Variants in TNFSF4 observed in about 807,000 individuals in gnomAD.
TNFSF4 encodes the protein tumor necrosis factor ligand superfamily member 4.
TNFSF4 carries 4 observed loss-of-function variants against 7.3 expected under a neutral mutation model. That is an observed-to-expected ratio of 0.55 (90% CI 0.27 to 1.25). TNFSF4 has a LOEUF of 1.25. Among genes scored for constraint, TNFSF4 ranks in the 50% most tolerant of loss-of-function variants. The pLI is 0.12. For synonymous variants in TNFSF4, 76 were observed against 83.7 expected, an observed-to-expected ratio of 0.91 and a Z score of 0.50; for missense variants, 181 against 208.8, an observed-to-expected ratio of 0.87 and a Z score of 0.82.
the TNFSF4 span, among the ~76,000 whole-genome samples, chr1:173,311,326 A>T: frequency 6.6e-6 from 1 of 152,122 alleles, no homozygotes; most frequent in Non-Finnish European, 1.5e-5. Context: ...TAACTATAAC[A>T]GAAGATTGAA....
At chr1:173,276,793 G>C in the TNFSF4 span, among the ~76,000 whole-genome samples, 3 of 152,186 alleles carry the variant, frequency 2.0e-5, no homozygotes, top group Non-Finnish European at 4.4e-5. Context: ...GGGAGAACTT[G>C]CCTGTGTCTG....
chr1:173,449,673 T>A, the TNFSF4 span, among the ~76,000 whole-genome samples: 1 of 152,150 alleles, frequency 6.6e-6, no homozygotes, highest in African/African-American at 2.4e-5. Context: ...AAGCACGGAC[T>A]AATACACCAA....
At position 173,186,781 on chromosome 1, in the gene TNFSF4, T is replaced by C. The variant is rs1649245160; in HGVS notation, c.287A>G (p.Asn96Ser). The C allele has an allele frequency of 3.7e-6, 6 of 1,614,100 alleles. No homozygotes were observed. The South Asian group carries it at 4.4e-5, about 12-fold the overall frequency. Residue 96 changes from asparagine to serine, a missense_variant, in exon 3 of 3, where the codon AAC becomes AGC. Transcript: ENST00000281834. The part of the protein sequence containing the change: ...MKVQNNSVII[N>S]CDGFYLISLK... ...GGAGATGAGATAAAACCCATCACAG[T>C]TGATGATGACTGAGTTGTTCTGCAC...
At chr1:173,181,903 T>C (rs1242998235), downstream of TNFSF4, among the ~76,000 whole-genome samples, 1 of 152,094 alleles carries the variant, frequency 6.6e-6, no homozygotes, top group East Asian at 1.9e-4. Context: ...TAAGGAAGGC[T>C]CCAAACCATC....
At chr1:173,311,918 T>G in the TNFSF4 span, among the ~76,000 whole-genome samples, 1 of 152,174 alleles carries the variant, frequency 6.6e-6, no homozygotes, top group African/African-American at 2.4e-5. Context: ...TGGTGGTTAC[T>G]TTAGAAATTA....
At chr1:173,414,489 T>G in the TNFSF4 span, among the ~76,000 whole-genome samples, 1 of 152,186 alleles carries the variant, frequency 6.6e-6, no homozygotes, top group Admixed American at 6.5e-5. Context: ...TAACAAGTAT[T>G]GTCTCAATAT....
At chr1:173,371,311 G>T in the TNFSF4 span, among the ~76,000 whole-genome samples, 6 of 152,198 alleles carry the variant, frequency 3.9e-5, no homozygotes, top group Non-Finnish European at 7.3e-5. Flanking sequence ...TGCCTTTCTT[G>T]TTATGCCTGT....
the TNFSF4 span, among the ~76,000 whole-genome samples, chr1:173,341,291 G>T: frequency 2.0e-5 from 3 of 152,330 alleles, no homozygotes; most frequent in Admixed American, 2.0e-4. Context: ...AGAGCCCACA[G>T]CAGTGTAGAA....
the TNFSF4 span, among the ~76,000 whole-genome samples, chr1:173,289,088 G>C: frequency 6.6e-6 from 1 of 152,210 alleles, no homozygotes; most frequent in African/African-American, 2.4e-5. Context: ...TCTGTGAGTT[G>C]AGGGGAACAG....
chr1:173,374,009 C>G, the TNFSF4 span, among the ~76,000 whole-genome samples: 1 of 152,104 alleles, frequency 6.6e-6, no homozygotes, highest in Admixed American at 6.6e-5. Context: ...CAGAGAAGGT[C>G]GAGAAGGCAA....
At chr1:173,431,189 T>C in the TNFSF4 span, among the ~76,000 whole-genome samples, 10 of 152,250 alleles carry the variant, frequency 6.6e-5, no homozygotes, top group Admixed American at 2.6e-4. Flanking sequence ...TTGGTTTTCT[T>C]TGGAGAATGT....
At chr1:173,235,231 C>G in the TNFSF4 span, among the ~76,000 whole-genome samples, 2 of 152,198 alleles carry the variant, frequency 1.3e-5, no homozygotes, top group East Asian at 3.9e-4. Context: ...AAATCTGGTT[C>G]TTGTGTCACA....
the TNFSF4 span, among the ~76,000 whole-genome samples, chr1:173,327,237 G>A: frequency 2.6e-5 from 4 of 152,168 alleles, no homozygotes; most frequent in Admixed American, 6.5e-5. Flanking sequence ...TCTGATATTT[G>A]ACAAACCTGA....
the TNFSF4 span, among the ~76,000 whole-genome samples, chr1:173,262,807 A>T: frequency 3.4e-3 from 516 of 152,134 alleles, 7 homozygotes; most frequent in Admixed American, 0.014. Context: ...TCACCGTGTT[A>T]GCCAGGATAG....
the TNFSF4 span, among the ~76,000 whole-genome samples, chr1:173,261,622 C>G: frequency 6.6e-6 from 1 of 151,904 alleles, no homozygotes; most frequent in Non-Finnish European, 1.5e-5. Context: ...ATCATATAGA[C>G]ATAATAAAAA....
the TNFSF4 span, among the ~76,000 whole-genome samples, chr1:173,308,988 G>C: frequency 1.2e-4 from 18 of 151,926 alleles, no homozygotes; most frequent in Admixed American, 1.2e-3. Context: ...GGTCCACTTA[G>C]GTTCAAGAAG....
At chr1:173,328,858 G>GA in the TNFSF4 span, among the ~76,000 whole-genome samples, 30 of 149,060 alleles carry the variant, frequency 2.0e-4, no homozygotes, top group African/African-American at 2.9e-4. Flanking sequence ...TTGTGCTTCA[G>GA]AAAAAAAAAA....
At chr1:173,317,606 T>C in the TNFSF4 span, among the ~76,000 whole-genome samples, 9 of 152,214 alleles carry the variant, frequency 5.9e-5, no homozygotes, top group African/African-American at 2.2e-4. Flanking sequence ...ACTTAAGAAA[T>C]AATTTGAACA....
At chr1:173,411,823 A>G in the TNFSF4 span, among the ~76,000 whole-genome samples, 1 of 151,892 alleles carries the variant, frequency 6.6e-6, no homozygotes, top group African/African-American at 2.4e-5. Flanking sequence ...AAAAAATTTT[A>G]AAAAGGAAAT....
Sources: gnomAD v4.1 joint callset for allele counts (sites outside exome capture counted in the v4.1 genomes callset) on GRCh38, gnomAD v4.1.1 for gene constraint, MANE v1.5 for transcripts, NCBI Gene and HGNC (gene_info 2026-07-23, HGNC 2026-07-21) for gene names.